CEACAM20: variants seen among roughly 807,000 people sequenced by gnomAD.
CEACAM20 encodes CEA cell adhesion molecule 20.
In CEACAM20, 50 loss-of-function variants were observed where a neutral mutation model predicts 61.2. That is an observed-to-expected ratio of 0.82 (90% CI 0.65 to 1.03). The LOEUF is 1.03. Ranked by LOEUF, CEACAM20 falls within the 50% of genes least tolerant of loss-of-function variation. The pLI is 0.00. For synonymous variants in CEACAM20, 282 were observed against 287.7 expected, an observed-to-expected ratio of 0.98 and a Z score of 0.20; for missense variants, 683 against 736.4, an observed-to-expected ratio of 0.93 and a Z score of 0.84.
intron 11 of CEACAM20, among the ~76,000 whole-genome samples, chr19:44,510,601 AAAGAAAGAAAAAGG>A (rs1422319878): frequency 2.1e-4 from 16 of 76,106 alleles, no homozygotes; most frequent in African/African-American, 6.6e-4. Flanking sequence ...AGAAAGAAAG[AAAGAAAGAAAAAGG>A]AAGGAAGGAA....
rs765805694 is a variant in CEACAM20, at chr19:44,522,795, C to A, written c.590G>T (p.Cys197Phe). ...FLAETKSHPPCAYTWFLLDSI... is the reference protein window; with the variant it reads ...FLAETKSHPPFAYTWFLLDSI... Reference sequence around the variant, plus strand: ...GTCAAGGAGAAACCAAGTATAGGCACAGGGTGGGTGAGACTTTGTTTCCGC... The same window carrying A: ...GTCAAGGAGAAACCAAGTATAGGCAAAGGGTGGGTGAGACTTTGTTTCCGC... Residue 197 changes from cysteine (C) to phenylalanine (F), a missense_variant, in exon 4 of 12, where the codon TGT (cysteine) becomes TTT (phenylalanine). By Grantham distance (205) the Cys-to-Phe change is radical (BLOSUM62 -2). Coordinates refer to ENST00000614924, the MANE Select transcript of CEACAM20 (RefSeq NM_001102597.3). 2.5e-6 allele frequency: 4 copies of A among 1,613,622 alleles called. No homozygotes were observed. In the East Asian group the frequency reaches 8.9e-5, roughly 36 times the overall value.
chr19:44,522,983 G>C, intron 3 of CEACAM20, 71 bp from the exon 4 acceptor site: 1 of 1,297,542 alleles, frequency 7.7e-7, no homozygotes, highest in Non-Finnish European at 1.1e-6. Context: ...GGTCTTTAAC[G>C]GATCAATAAA....
At position 44,520,546 on chromosome 19, in the gene CEACAM20, CG is replaced by C; in HGVS notation, c.957del (p.Tyr322MetfsTer19). Reference sequence around the variant, plus strand: ...TTCCAGACCTCACAGGCATAGGGCCCGGTGTCATTCCGCTGGAGGCCATGGA... The same window carrying C: ...TTCCAGACCTCACAGGCATAGGGCCCGTGTCATTCCGCTGGAGGCCATGGA... Reference protein sequence around the residue: ...LIIHGLQRNDTGPYACEVWNW... With the variant: ...LIIHGLQRNDXGPYACEVWNW... On this transcript the variant is annotated frameshift_variant, in exon 5 of 12. Coordinates refer to ENST00000614924, the MANE Select transcript of CEACAM20 (RefSeq NM_001102597.3). LOFTEE classifies it high-confidence loss of function. The C allele has an allele frequency of 6.2e-7, 1 of 1,614,026 alleles. No individual in the cohort carries two copies. Among genetic ancestry groups the C allele is most frequent in the Non-Finnish European group, 8.5e-7 (1 of 1,179,910 alleles).
chr19:44,529,017 G>A (rs1377126977), intron 1 of CEACAM20, among the ~76,000 whole-genome samples: 1 of 121,158 alleles, frequency 8.3e-6, no homozygotes, highest in African/African-American at 3.2e-5. Context: ...AGAGTGCTAT[G>A]GTGTCATCTC....
At chr19:44,527,780 C>T (rs1411601250) in intron 1 of CEACAM20, among the ~76,000 whole-genome samples, 1 of 152,254 alleles carries the variant, frequency 6.6e-6, no homozygotes. Context: ...CAGGGACACA[C>T]AGCAAGGCTG....
chr19:44,529,366 A>G (rs1971642627), intron 1 of CEACAM20, 92 bp downstream of exon 1: 2 of 914,814 alleles, frequency 2.2e-6, no homozygotes, highest in Admixed American at 2.6e-5. Context: ...ACACACACAC[A>G]CACACACACA....
chr19:44,510,599 A>G (rs1970957696), intron 11 of CEACAM20, among the ~76,000 whole-genome samples: 2,460 of 68,400 alleles, frequency 0.036, 197 homozygotes, highest in African/African-American at 0.17. Context: ...AAAGAAAGAA[A>G]GAAAGAAAGA....
intron 5 of CEACAM20, among the ~76,000 whole-genome samples, chr19:44,518,008 C>T (rs1033880976): frequency 5.3e-5 from 8 of 150,184 alleles, no homozygotes; most frequent in African/African-American, 1.2e-4. Context: ...CCTGGGAGGC[C>T]GAAGTTGCAG....
chr19:44,525,414 TG>T (rs1254807171), intron 1 of CEACAM20, among the ~76,000 whole-genome samples, 170 bp from the exon 2 acceptor site: 3 of 151,958 alleles, frequency 2.0e-5, no homozygotes, highest in African/African-American at 7.3e-5. Context: ...CATGTTTTCT[TG>T]TTTGTTTGGT....
intron 1 of CEACAM20, among the ~76,000 whole-genome samples, chr19:44,527,936 C>T (rs1010427263): frequency 6.6e-5 from 10 of 152,172 alleles, no homozygotes; most frequent in Non-Finnish European, 1.2e-4. Flanking sequence ...CATCCTGATC[C>T]GTGGACCTGG....
intron 5 of CEACAM20, among the ~76,000 whole-genome samples, chr19:44,519,061 C>T (rs995376337): frequency 6.6e-6 from 1 of 152,118 alleles, no homozygotes; most frequent in African/African-American, 2.4e-5. Context: ...GGCCATCGCA[C>T]ACTCTCTTCC....
At chr19:44,516,679 A>G (rs1036006662) in intron 6 of CEACAM20, among the ~76,000 whole-genome samples, 3 of 152,220 alleles carry the variant, frequency 2.0e-5, no homozygotes, top group Non-Finnish European at 2.9e-5. Context: ...AAAATGGACT[A>G]ATACACATCA....
At chr19:44,513,878 G>A (rs1164779419) in intron 6 of CEACAM20, among the ~76,000 whole-genome samples, 1 of 152,140 alleles carries the variant, frequency 6.6e-6, no homozygotes, top group African/African-American at 2.4e-5. Flanking sequence ...GGGAACAATA[G>A]GGTTTATAGG....
chr19:44,516,921 G>A, intron 6 of CEACAM20, 25 bp downstream of exon 6: 1 of 1,578,690 alleles, frequency 6.3e-7, no homozygotes, highest in Non-Finnish European at 8.6e-7. Context: ...CGGGTCCTGG[G>A]AGAAGGCGAC....
At chr19:44,511,717 G>C in intron 9 of CEACAM20, 45 bp from the exon 10 acceptor site, 1 of 1,595,262 alleles carries the variant, frequency 6.3e-7, no homozygotes, top group Non-Finnish European at 8.6e-7. Context: ...GCTTGGAATA[G>C]GGGCTACCCC....
chr19:44,519,624 T>C (rs1166639616), intron 5 of CEACAM20, among the ~76,000 whole-genome samples: 1 of 152,174 alleles, frequency 6.6e-6, no homozygotes, highest in Non-Finnish European at 1.5e-5. Context: ...TCTTTCTCTT[T>C]CACCTAATAT....
intron 5 of CEACAM20, among the ~76,000 whole-genome samples, chr19:44,518,153 AGGAAGGAAGGAAGGAAG>A (rs1971243039): frequency 1.3e-5 from 1 of 78,410 alleles, no homozygotes; most frequent in African/African-American, 5.3e-5. Flanking sequence ...GAAGGAAGGA[AGGAAGGAAGGAAGGAAG>A]AAAGCAGGCA....
intron 10 of CEACAM20, 44 bp from the exon 11 acceptor site, chr19:44,511,199 T>C (rs1244409077): frequency 2.5e-6 from 4 of 1,607,206 alleles, no homozygotes; most frequent in East Asian, 2.2e-5. Flanking sequence ...CAGACACAGA[T>C]TGCCAGGAAT....
rs1971258744 is a variant in CEACAM20 at position 44,518,414 on chromosome 19, TG to T, written c.1031-1191del. ...CCACCACATATAAGAAGGAAACAAATGAAAGTAGTTGTTGGATTTCTCATAT... is the reference window on the plus strand; with the variant it reads ...CCACCACATATAAGAAGGAAACAAATAAAGTAGTTGTTGGATTTCTCATAT... On this transcript the variant is annotated intron_variant, in intron 5 of 11. Transcript: ENST00000614924. Among the ~76,000 whole-genome samples, 6 of 152,214 alleles carry T rather than the reference TG, an allele frequency of 3.9e-5. No individual in the cohort carries two copies. In the South Asian group the frequency reaches 1.2e-3, roughly 32 times the overall value.
Sources: gnomAD v4.1 joint callset for allele counts (sites outside exome capture counted in the v4.1 genomes callset) on GRCh38, gnomAD v4.1.1 for gene constraint, MANE v1.5 for transcripts, NCBI Gene and HGNC (gene_info 2026-07-23, HGNC 2026-07-21) for gene names.